BTBD10: variants seen among roughly 807,000 people sequenced by gnomAD.
The protein encoded by BTBD10 is BTB domain containing 10.
BTBD10 carries 21 observed loss-of-function variants against 53.2 expected under a neutral mutation model. The observed-to-expected ratio is 0.39, with a 90% CI of 0.28 to 0.57. BTBD10 has a LOEUF of 0.57. Ranked by LOEUF, BTBD10 falls within the 20% of genes least tolerant of loss-of-function variation. BTBD10 has a pLI of 0.53. For missense variants in BTBD10, 360 were observed against 594.7 expected (o/e 0.61, Z 4.10); for synonymous variants, 149 against 192.7 (o/e 0.77, Z 1.88).
chr11:13,398,334 A>G (rs1949613134), intron 8 of BTBD10, among the ~76,000 whole-genome samples: 1 of 151,808 alleles, frequency 6.6e-6, no homozygotes, highest in Non-Finnish European at 1.5e-5. Context: ...GTTGGTTTAA[A>G]GTCTGTTTTA....
intron 6 of BTBD10, among the ~76,000 whole-genome samples, chr11:13,412,077 C>T (rs930700717): frequency 2.6e-5 from 4 of 152,024 alleles, no homozygotes; most frequent in South Asian, 2.1e-4. Flanking sequence ...GTGATCCGAC[C>T]GCCTCTGCCT....
At chr11:13,433,791 C>T (rs1024925797) in intron 2 of BTBD10, among the ~76,000 whole-genome samples, 1 of 152,156 alleles carries the variant, frequency 6.6e-6, no homozygotes, top group Non-Finnish European at 1.5e-5. Context: ...CAGCCCTATA[C>T]AGAAAAAGTT....
At chr11:13,418,989 TTTA>T (rs1367496881) in intron 4 of BTBD10, among the ~76,000 whole-genome samples, 1 of 148,720 alleles carries the variant, frequency 6.7e-6, no homozygotes, top group Non-Finnish European at 1.5e-5. Context: ...TTTTTTTTTT[TTTA>T]AAAGTATCTA....
chr11:13,409,943 T>C (rs1030233721), intron 6 of BTBD10, among the ~76,000 whole-genome samples: 1 of 152,046 alleles, frequency 6.6e-6, no homozygotes, highest in Admixed American at 6.6e-5. Flanking sequence ...TAGAAATGAA[T>C]AGTTGATCAG....
At chr11:13,458,410 T>C (rs1276078116) in intron 1 of BTBD10, among the ~76,000 whole-genome samples, 3 of 152,190 alleles carry the variant, frequency 2.0e-5, no homozygotes, top group African/African-American at 7.2e-5. Flanking sequence ...GAAGTTCTAT[T>C]GTTTTCTTCA....
At chr11:13,443,993 A>G (rs1395998700) in intron 2 of BTBD10, among the ~76,000 whole-genome samples, 13 of 152,140 alleles carry the variant, frequency 8.5e-5, no homozygotes, top group Non-Finnish European at 1.8e-4. Context: ...ATGAACAAAC[A>G]TAAAAAACCA....
intron 1 of BTBD10, among the ~76,000 whole-genome samples, chr11:13,454,273 T>C (rs1213657788): frequency 1.3e-5 from 2 of 152,162 alleles, no homozygotes; most frequent in Admixed American, 1.3e-4. Flanking sequence ...ATTATAACAA[T>C]TCAATTTCTA....
chr11:13,442,104 A>C (rs935366841), intron 2 of BTBD10, among the ~76,000 whole-genome samples: 3 of 152,178 alleles, frequency 2.0e-5, no homozygotes, highest in Non-Finnish European at 4.4e-5. Flanking sequence ...TAAGCCACTA[A>C]ACATGCACCC....
intron 8 of BTBD10, among the ~76,000 whole-genome samples, chr11:13,391,745 T>G (rs1949411583): frequency 6.6e-6 from 1 of 152,072 alleles, no homozygotes; most frequent in Non-Finnish European, 1.5e-5. Flanking sequence ...AGAGATCGAG[T>G]CCATCCTGAC....
chr11:13,415,432 C>T (rs1216314845), intron 5 of BTBD10, among the ~76,000 whole-genome samples: 1 of 152,176 alleles, frequency 6.6e-6, no homozygotes, highest in Non-Finnish European at 1.5e-5. Flanking sequence ...ACAGGCACAA[C>T]TGAAGCCTGT....
intron 8 of BTBD10, among the ~76,000 whole-genome samples, chr11:13,390,316 G>A (rs1210476584): frequency 6.6e-6 from 1 of 152,118 alleles, no homozygotes; most frequent in South Asian, 2.1e-4. Flanking sequence ...ATCAGCCACA[G>A]AGAATACGTA....
intron 2 of BTBD10, among the ~76,000 whole-genome samples, chr11:13,438,670 C>G (rs191188768): frequency 3.3e-5 from 5 of 151,776 alleles, no homozygotes; most frequent in Admixed American, 2.6e-4. Context: ...ACAGAAAAAA[C>G]AGGTTATATG....
intron 8 of BTBD10, among the ~76,000 whole-genome samples, chr11:13,391,506 T>C (rs1290754802): frequency 6.6e-6 from 1 of 152,346 alleles, no homozygotes; most frequent in East Asian, 1.9e-4. Flanking sequence ...AGTTCCTATA[T>C]GGCTTTGACT....
chr11:13,448,600 T>A (rs1330270342), intron 1 of BTBD10, among the ~76,000 whole-genome samples: 1 of 152,192 alleles, frequency 6.6e-6, no homozygotes, highest in Non-Finnish European at 1.5e-5. Context: ...TACTTTAGAA[T>A]CTTCTTTTGA....
chr11:13,449,305 G>A (rs1950807711), intron 1 of BTBD10, among the ~76,000 whole-genome samples: 2 of 152,100 alleles, frequency 1.3e-5, no homozygotes, highest in South Asian at 2.1e-4. Context: ...CGAAGTTCTA[G>A]GAAGTTTATA....
chr11:13,404,151 T>C (rs973467691), intron 7 of BTBD10, among the ~76,000 whole-genome samples: 1 of 152,184 alleles, frequency 6.6e-6, no homozygotes, highest in Non-Finnish European at 1.5e-5. Context: ...TCCTTAAGAT[T>C]TACTGGTATT....
intron 2 of BTBD10, among the ~76,000 whole-genome samples, chr11:13,425,806 C>T (rs542138629): frequency 6.6e-6 from 1 of 152,108 alleles, no homozygotes; most frequent in Non-Finnish European, 1.5e-5. Flanking sequence ...TCACTACACA[C>T]TGTATACATG....
At chr11:13,403,090 A>C in intron 8 of BTBD10, 78 bp downstream of exon 8, 1 of 902,240 alleles carries the variant, frequency 1.1e-6, no homozygotes, top group Non-Finnish European at 1.7e-6. Context: ...TTCCAACTGT[A>C]TTCTAAATAA....
chr11:13,403,413 C>G lies in BTBD10; in HGVS notation c.1007-135G>C, dbSNP rs1187675500. 3 of 486,884 alleles carry G rather than the reference C, an allele frequency of 6.2e-6. No homozygotes were observed. In the East Asian group the frequency reaches 1.1e-4, roughly 18 times the overall value. The allele number at this position is 486,884 out of a possible 1,614,324, so 30.2% of individuals were successfully genotyped here. On this transcript the variant is annotated intron_variant, in intron 7 of 8. Coordinates refer to ENST00000278174, the MANE Select transcript of BTBD10 (RefSeq NM_032320.7). ...TGGATGCAGTAATGCCAAAGGATGA[C>G]TAGCCAACATGACAGGGCAGTATTC...
Sources: allele counts gnomAD v4.1 joint callset (sites outside exome capture counted in the v4.1 genomes callset), GRCh38; gene constraint gnomAD v4.1.1; transcripts MANE v1.5; gene names NCBI Gene and HGNC (gene_info 2026-07-23, HGNC 2026-07-21).